Variants in SYK observed in about 807,000 individuals in gnomAD.
The protein encoded by SYK is spleen associated tyrosine kinase, also known as tyrosine-protein kinase SYK.
SYK carries 16 observed loss-of-function variants against 77.8 expected under a neutral mutation model. The ratio of observed to expected loss-of-function variants is 0.21; its 90% CI spans 0.14 to 0.31. SYK has a LOEUF of 0.31. Among genes scored for constraint, SYK ranks in the 10% least tolerant of loss-of-function variants. SYK has a pLI of 1.00. For missense variants in SYK, 529 were observed against 814.4 expected, an observed-to-expected ratio of 0.65 and a Z score of 4.26; for synonymous variants, 312 against 308.7, an observed-to-expected ratio of 1.01 and a Z score of -0.11.
Position 90,802,719 on chromosome 9 carries a change from G to T in SYK, c.-42+826G>T, listed in dbSNP as rs891506128. ...AGTGAGAGTTTGAATCTTTTTTTAC[G>T]TTGGAAACAGTGTTGCAAAATATTT... On this transcript the variant is annotated intron_variant, in intron 1 of 13. Coordinates refer to ENST00000375754, the MANE Select transcript of SYK (RefSeq NM_003177.7). 3.5e-5 allele frequency among the ~76,000 whole-genome samples: 5 copies of T among 142,468 alleles called. No individual in the cohort carries two copies. The Admixed American group carries it at 3.7e-4, about 11-fold the overall frequency. The allele number at this position is 142,468 out of a possible 152,430, so 93.5% of individuals were successfully genotyped here.
chr9:90,843,833 A>C, intron 1 of SYK, 25 bp from the exon 2 acceptor site: 1 of 1,408,702 alleles, frequency 7.1e-7, no homozygotes, highest in Non-Finnish European at 9.2e-7. Flanking sequence ...TCCTCACCAA[A>C]GTTCTCTGTC....
At chr9:90,803,374 G>A (rs913065325) in intron 1 of SYK, among the ~76,000 whole-genome samples, 1 of 151,722 alleles carries the variant, frequency 6.6e-6, no homozygotes, top group Admixed American at 6.6e-5. Flanking sequence ...TTTCTACTGA[G>A]GGATTGTGGG....
In SYK at chr9:90,844,009, G is replaced by A. The variant is rs1400590058; in HGVS notation, c.111G>A (p.Gly37=). The A allele has an allele frequency of 6.2e-7, 1 of 1,611,556 alleles. No individual in the cohort carries two copies. The highest frequency in any genetic ancestry group is 1.7e-5 in the Admixed American group (1 of 59,642). Reference sequence around the variant, plus strand: ...TGGTCCAGGGGGGCATGAGTGATGGGCTTTATTTGCTGCGCCAGAGCCGCA... The same window carrying A: ...TGGTCCAGGGGGGCATGAGTGATGGACTTTATTTGCTGCGCCAGAGCCGCA... ...DYLVQGGMSD[G]LYLLRQSRNY... Residue 37 remains glycine (G), a synonymous_variant, in exon 2 of 14, where the codon GGG becomes GGA. Coordinates refer to ENST00000375754, the MANE Select transcript of SYK (RefSeq NM_003177.7).
In SYK at chr9:90,887,837, G is replaced by A; in HGVS notation, c.1670G>A (p.Ser557Asn). 6.2e-7 allele frequency: 1 copy of A among 1,613,354 alleles called. No individual in the cohort carries two copies. The change falls in exon 12 of 14, where the codon AGC becomes AAC. Residue 557 changes from serine to asparagine, a missense_variant. Physicochemically the swap from Ser to Asn is conservative, Grantham distance 46. Around this residue, in one of 2 missense-constraint regions of SYK, gnomAD observed 208 missense variants for 381.3 expected, o/e 0.55. Transcript: ENST00000375754. ...TTCTCCAGCAAAAGCGATGTCTGGA[G>A]CTTTGGAGTGTTGATGTGGGAAGCA... is the stretch of plus-strand genomic sequence containing the variant. ...YKFSSKSDVW[S>N]FGVLMWEAFS...
intron 1 of SYK, among the ~76,000 whole-genome samples, chr9:90,822,306 T>C (rs376646632): frequency 5.3e-5 from 8 of 152,296 alleles, no homozygotes; most frequent in African/African-American, 1.9e-4. Context: ...AGTCAGCAGA[T>C]TTTTCTTGGG....
chr9:90,873,556 G>A (rs1170610606), intron 7 of SYK, among the ~76,000 whole-genome samples: 1 of 152,116 alleles, frequency 6.6e-6, no homozygotes, highest in Non-Finnish European at 1.5e-5. Context: ...TCTCACAGGG[G>A]TACTGATTTC....
intron 3 of SYK, among the ~76,000 whole-genome samples, chr9:90,858,163 G>A (rs1023322036): frequency 1.3e-5 from 2 of 152,168 alleles, no homozygotes; most frequent in African/African-American, 4.8e-5. Context: ...GAGGAGTCCA[G>A]CCCTTCCAGG....
At chr9:90,870,184 G>A (rs1016465472) in intron 7 of SYK, among the ~76,000 whole-genome samples, 2 of 152,176 alleles carry the variant, frequency 1.3e-5, no homozygotes, top group Admixed American at 6.5e-5. Flanking sequence ...AATACAACTA[G>A]TAGTCTTTAA....
Position 90,842,303 on chromosome 9 carries a change from A to C in SYK, c.-41-1555A>C, listed in dbSNP as rs1198849917. On this transcript the variant is annotated intron_variant, in intron 1 of 13. Transcript: ENST00000375754. ...TGTGTGTGGCATGCATGTAGTGTCC[A>C]TGTGGTATGGAGTGTGTGTGTGTGG... 2.1e-5 allele frequency among the ~76,000 whole-genome samples: 3 copies of C among 144,098 alleles called. No individual in the cohort carries two copies. In the East Asian group the frequency reaches 6.3e-4, roughly 30 times the overall value. 94.5% of individuals were successfully genotyped at this position (144,098 alleles called of 152,430 possible). A position where few individuals can be genotyped will look rare whatever the true frequency, so the allele number is the denominator to read the frequency against.
intron 7 of SYK, among the ~76,000 whole-genome samples, chr9:90,870,789 C>T (rs1489113797): frequency 6.6e-6 from 1 of 152,180 alleles, no homozygotes; most frequent in African/African-American, 2.4e-5. Flanking sequence ...ATTTCTAAAG[C>T]CAGCTGGCTC....
At chr9:90,807,550 C>A (rs541066445) in intron 1 of SYK, among the ~76,000 whole-genome samples, 4 of 152,114 alleles carry the variant, frequency 2.6e-5, no homozygotes, top group Non-Finnish European at 5.9e-5. Context: ...GTGGTTAAAA[C>A]TGACATAACT....
chr9:90,803,842 A>G (rs189040575), intron 1 of SYK, among the ~76,000 whole-genome samples: 33 of 152,344 alleles, frequency 2.2e-4, no homozygotes, highest in Admixed American at 5.2e-4. Flanking sequence ...TGCTGGTTAC[A>G]TGCCATTCCA....
chr9:90,842,756 A>AGTGTGTGT (rs1423688327), intron 1 of SYK, among the ~76,000 whole-genome samples: 4 of 143,740 alleles, frequency 2.8e-5, no homozygotes, highest in Admixed American at 6.9e-5. Flanking sequence ...TGGTATGGAG[A>AGTGTGTGT]GAGTGTGTGT....
At chr9:90,822,362 C>CA (rs1231684030) in intron 1 of SYK, among the ~76,000 whole-genome samples, 1 of 151,822 alleles carries the variant, frequency 6.6e-6, no homozygotes, top group Admixed American at 6.6e-5. Context: ...AAGGGCATTG[C>CA]AAAAAAAGTC....
chr9:90,865,884 A>G (rs1332371976), intron 6 of SYK, among the ~76,000 whole-genome samples: 1 of 127,960 alleles, frequency 7.8e-6, no homozygotes, highest in African/African-American at 3.0e-5. Flanking sequence ...TTGGGGCTAC[A>G]TATGGCCTTT....
chr9:90,831,030 G>A (rs542165965), intron 1 of SYK, among the ~76,000 whole-genome samples: 6 of 152,276 alleles, frequency 3.9e-5, no homozygotes, highest in East Asian at 1.9e-4. Flanking sequence ...TGGTTTGAGC[G>A]TGATAAGCCT....
chr9:90,849,195 C>T (rs1465839554), intron 3 of SYK, among the ~76,000 whole-genome samples: 3 of 152,204 alleles, frequency 2.0e-5, no homozygotes, highest in South Asian at 2.1e-4. Flanking sequence ...GCCACATCAT[C>T]GGTTTGCTGT....
chr9:90,864,657 C>T lies in SYK; in HGVS notation c.786C>T (p.Ile262=), dbSNP rs756405794. 3.1e-6 allele frequency: 5 copies of T among 1,613,998 alleles called. No homozygotes were observed. Among genetic ancestry groups the T allele is most frequent in the South Asian group, 2.2e-5 (2 of 91,078 alleles). The change falls in exon 5 of 14, where the codon ATC becomes ATT. Residue 262 remains isoleucine, a synonymous_variant. Transcript: ENST00000375754. Reference sequence around the variant, plus strand: ...TTCTTACTGTCCCATGTCAAAAAATCGGCACACAGGGTGAGTTCCCAAGAC... The same window carrying T: ...TTCTTACTGTCCCATGTCAAAAAATTGGCACACAGGGTGAGTTCCCAAGAC... ...LRVLTVPCQK[I]GTQGNVNFGG...
At chr9:90,837,824 C>T (rs1414776803) in intron 1 of SYK, among the ~76,000 whole-genome samples, 1 of 152,216 alleles carries the variant, frequency 6.6e-6, no homozygotes, top group African/African-American at 2.4e-5. Context: ...GAGACCAGCT[C>T]ATCTAACCTG....
Sources: allele counts gnomAD v4.1 joint callset (sites outside exome capture counted in the v4.1 genomes callset), GRCh38; gene constraint gnomAD v4.1.1; regional missense constraint gnomAD v4.1.1; transcripts MANE v1.5; gene names NCBI Gene and HGNC (gene_info 2026-07-23, HGNC 2026-07-21).